The following H1-8 variants were observed in gnomAD, a reference collection of about 807,000 sequenced individuals.
H1-8 encodes the protein histone H1.8.
A neutral mutation model predicts 19.5 loss-of-function variants in H1-8; 13 were observed. The observed-to-expected ratio is 0.67, with a 90% CI of 0.43 to 1.06. H1-8 has a LOEUF of 1.06. Ranked by LOEUF, H1-8 falls within the 50% of genes least tolerant of loss-of-function variation. The probability of loss-of-function intolerance (pLI) is 0.00; values close to 1 mark genes in which losing one functional copy is unlikely to be tolerated. For missense variants in H1-8, 432 were observed against 459.8 expected (o/e 0.94, Z 0.55); for synonymous variants, 193 against 187.6 (o/e 1.03, Z -0.24).
rs368649606 is a variant in H1-8, at chr3:129,548,561, C to A, written c.379-440C>A. 3.9e-5 allele frequency: 35 copies of A among 898,054 alleles called. No individual in the cohort carries two copies. The African/African-American group carries it at 6.1e-4, about 16-fold the overall frequency. 55.6% of individuals were successfully genotyped at this position (898,054 alleles called of 1,614,324 possible). Reference sequence around the variant, plus strand: ...TTGCCAGGAGCCCTCCCTTCCCTGCCGCTCACAGCCTTGGTGATTGTCCTG... The same window carrying A: ...TTGCCAGGAGCCCTCCCTTCCCTGCAGCTCACAGCCTTGGTGATTGTCCTG... On this transcript the variant is annotated intron_variant, in intron 2 of 4. Coordinates refer to ENST00000324382, the MANE Select transcript of H1-8 (RefSeq NM_153833.3).
intron 3 of H1-8, 61 bp downstream of exon 3, chr3:129,549,425 G>A (rs918785014): frequency 3.3e-6 from 5 of 1,508,934 alleles, no homozygotes; most frequent in Middle Eastern, 2.5e-4. Context: ...CACTGGAGCG[G>A]GGGCGGGGAG....
intron 1 of H1-8, among the ~76,000 whole-genome samples, chr3:129,546,196 T>C (rs916943201): frequency 6.6e-6 from 1 of 151,756 alleles, no homozygotes; most frequent in Non-Finnish European, 1.5e-5. Context: ...TGGTGGTGTG[T>C]GCCTGTGGTC....
intron 1 of H1-8, 100 bp from the exon 2 acceptor site, chr3:129,547,291 C>T (rs1041386406): frequency 1.6e-5 from 20 of 1,260,094 alleles, no homozygotes; most frequent in Non-Finnish European, 2.1e-5. Context: ...AGGGGGGCAT[C>T]TGATCCTTGC....
intron 1 of H1-8, among the ~76,000 whole-genome samples, chr3:129,543,692 C>T (rs779634836): frequency 4.6e-5 from 7 of 152,290 alleles, no homozygotes; most frequent in South Asian, 2.1e-4. Flanking sequence ...CTAGGCATTC[C>T]GATTTTCAAC....
rs1330635852 is a variant in H1-8, at chr3:129,549,329, G to A, written c.707G>A (p.Arg236Lys). Residue 236 changes from arginine (R) to lysine (K), a missense_variant, in exon 3 of 5, where the codon AGG becomes AAG. Physicochemically the swap from Arg to Lys is conservative, Grantham distance 26. Transcript: ENST00000324382. ...RAPSSAGGLSRKAKAKGSRSS... is the reference protein window; with the variant it reads ...RAPSSAGGLSKKAKAKGSRSS... ...CCTTCCAGTGCTGGTGGGCTCAGCA[G>A]GAAGGCAAAGGCCAAAGGCAGCAGG... 3 of 1,606,012 alleles carry A rather than the reference G, an allele frequency of 1.9e-6. No individual in the cohort carries two copies. The highest frequency in any genetic ancestry group is 2.7e-5 in the African/African-American group (2 of 74,524).
intron 1 of H1-8, among the ~76,000 whole-genome samples, chr3:129,544,753 C>G (rs193191218): frequency 1.3e-5 from 2 of 151,926 alleles, no homozygotes; most frequent in Non-Finnish European, 2.9e-5. Flanking sequence ...TCAGGCCAAG[C>G]GAAGACCCTT....
chr3:129,549,449 G>T (rs894911625), intron 3 of H1-8, 85 bp downstream of exon 3: 6 of 1,455,880 alleles, frequency 4.1e-6, no homozygotes, highest in African/African-American at 2.8e-5. Context: ...GCTCTGGAGA[G>T]GGGTTTCCTT....
intron 1 of H1-8, among the ~76,000 whole-genome samples, chr3:129,544,535 A>G (rs749282): frequency 0.28 from 42,293 of 150,020 alleles, 8,974 homozygotes; most frequent in African/African-American, 0.6. Flanking sequence ...CAGTGGGGGC[A>G]TGGGGCATTC....
At chr3:129,548,896 GC>G (rs1373951041) in intron 2 of H1-8, 104 bp from the exon 3 acceptor site, 13 of 1,429,824 alleles carry the variant, frequency 9.1e-6, no homozygotes, top group Non-Finnish European at 1.1e-5. Flanking sequence ...TGCCTGTGGA[GC>G]CCCCCTGTTT....
rs1056215708 is a variant in H1-8 at position 129,547,666 on chromosome 3, A to T, written c.364A>T (p.Thr122Ser). 3 of 1,542,664 alleles carry T rather than the reference A, an allele frequency of 1.9e-6. No homozygotes were observed. The highest frequency in any genetic ancestry group is 1.4e-5 in the African/African-American group (1 of 72,794). The change falls in exon 2 of 5, where the codon ACT (threonine) becomes TCT (serine). Residue 122 changes from threonine (T) to serine (S), a missense_variant. Thr to Ser is a moderately conservative substitution (Grantham distance 58). Transcript: ENST00000324382. ...CCTCAACTCCAAAGCCAGGGGGGCC[A>T]CTGGCAGCTTCAAAGTAAGCGCCCC... ...RPLNSKARGA[T>S]GSFKLVPKHK...
chr3:129,548,432 G>C (rs960591875), intron 2 of H1-8: 2 of 986,982 alleles, frequency 2.0e-6, no homozygotes, highest in African/African-American at 3.5e-5. Flanking sequence ...GAGCCAGAGG[G>C]GCGTCAGGTG....
rs550249782 is a variant in H1-8, at chr3:129,545,047, A to T, written c.88+1741A>T. Among the ~76,000 whole-genome samples, 2 of 151,150 alleles carry T rather than the reference A, an allele frequency of 1.3e-5. 1 individual carries two copies. Among genetic ancestry groups the T allele is most frequent in the South Asian group, 4.2e-4 (2 of 4,782 alleles). On this transcript the variant is annotated intron_variant, in intron 1 of 4. Transcript: ENST00000324382. ...GGTTTTTTTTTTCTATTGAAAAAAA[A>T]TTTTAATATAGCCAATTTTTTTTTT...
Position 129,547,372 on chromosome 3 carries a change from G to T in H1-8, c.89-19G>T. 1 of 1,472,728 alleles carries T rather than the reference G, an allele frequency of 6.8e-7. No homozygotes were observed. Among genetic ancestry groups the T allele is most frequent in the Non-Finnish European group, 9.0e-7 (1 of 1,115,250 alleles). 91.2% of individuals were successfully genotyped at this position (1,472,728 alleles called of 1,614,324 possible). A position where few individuals can be genotyped will look rare whatever the true frequency, so the allele number is the denominator to read the frequency against. On this transcript the variant is annotated intron_variant, in intron 1 of 4. Transcript: ENST00000324382. ...AGTTGTGACTGGGCCCCGGGTGATGGCCTGCCATCTCTCCTCAGGCCCGAG... is the reference window on the plus strand; with the variant it reads ...AGTTGTGACTGGGCCCCGGGTGATGTCCTGCCATCTCTCCTCAGGCCCGAG...
chr3:129,545,055 A>T (rs1234632675), intron 1 of H1-8, among the ~76,000 whole-genome samples: 1 of 149,814 alleles, frequency 6.7e-6, no homozygotes, highest in Non-Finnish European at 1.5e-5. Context: ...AAATTTTAAT[A>T]TAGCCAATTT....
intron 1 of H1-8, among the ~76,000 whole-genome samples, chr3:129,544,289 TC>T (rs2084872305): frequency 6.6e-6 from 1 of 151,812 alleles, no homozygotes; most frequent in Admixed American, 6.6e-5. Flanking sequence ...TCAACTTTTA[TC>T]TTGAACAGGG....
In H1-8 at chr3:129,548,987, G is replaced by C. The variant is rs141826260; in HGVS notation, c.379-14G>C. The C allele has an allele frequency of 6.3e-7, 1 of 1,591,644 alleles. No homozygotes were observed. Among genetic ancestry groups the C allele is most frequent in the Non-Finnish European group, 8.5e-7 (1 of 1,169,844 alleles). ...GAGGCTCTGCTTTCAGCCCCACCCC[G>C]TGTCCTTCTCCAGTTAGTTCCCAAG... On this transcript the variant is annotated splice_polypyrimidine_tract_variant and intron_variant, in intron 2 of 4. Coordinates refer to ENST00000324382, the MANE Select transcript of H1-8 (RefSeq NM_153833.3).
Position 129,551,402 on chromosome 3 carries a change from C to A in H1-8, c.*62C>A. ...CCCTAGTTTTTATTCTTCAACTAAC[C>A]ACTGCTCTATTTATTTCATTGTAAG... On this transcript the variant is annotated 3_prime_UTR_variant, in exon 5 of 5. Coordinates refer to ENST00000324382, the MANE Select transcript of H1-8 (RefSeq NM_153833.3). 3.1e-6 allele frequency: 3 copies of A among 967,014 alleles called. No individual in the cohort carries two copies. The highest frequency in any genetic ancestry group is 4.7e-6 in the Non-Finnish European group (3 of 637,150). The allele number at this position is 967,014 out of a possible 1,614,324, so 59.9% of individuals were successfully genotyped here.
At position 129,551,186 on chromosome 3, in the gene H1-8, A is replaced by G. The variant is rs59415528; in HGVS notation, c.887A>G (p.Asn296Ser). The G allele has an allele frequency of 9.4e-3, 15,176 of 1,614,216 alleles. 1,188 individuals are homozygous for G. In the African/African-American group the frequency reaches 0.17, roughly 18 times the overall value. Residue 296 changes from asparagine (N) to serine (S), a missense_variant, in exon 5 of 5, where the codon AAC (asparagine) becomes AGC (serine). Physicochemically the swap from Asn to Ser is conservative, Grantham distance 46. Coordinates refer to ENST00000324382, the MANE Select transcript of H1-8 (RefSeq NM_153833.3). ...AKAPKAGQGPNTKAAAPAKGS... is the reference protein window; with the variant it reads ...AKAPKAGQGPSTKAAAPAKGS... ...GCCCCTAAAGCTGGGCAGGGGCCAA[A>G]CACCAAGGCTGCTGCTCCTGCTAAG...
At chr3:129,546,749 C>T (rs2084891929) in intron 1 of H1-8, among the ~76,000 whole-genome samples, 1 of 152,172 alleles carries the variant, frequency 6.6e-6, no homozygotes, top group Non-Finnish European at 1.5e-5. Context: ...TCTTTCCCCC[C>T]TTATTTGTGG....
Sources: gnomAD v4.1 joint callset for allele counts (sites outside exome capture counted in the v4.1 genomes callset) on GRCh38, gnomAD v4.1.1 for gene constraint, MANE v1.5 for transcripts, NCBI Gene and HGNC (gene_info 2026-07-23, HGNC 2026-07-21) for gene names.